MUTYH: variants seen among roughly 807,000 people sequenced by gnomAD.
The protein encoded by MUTYH is mutY DNA glycosylase.
Under a neutral mutation model 72.9 loss-of-function variants are expected in MUTYH, and 64 were observed. The observed-to-expected ratio is 0.88, with a 90% confidence interval of 0.72 to 1.08. The LOEUF is 1.08. MUTYH is among the 50% of genes least tolerant of loss of function. The pLI, the probability that MUTYH is intolerant of heterozygous loss-of-function variation, is 0.00. For missense variants in MUTYH, 633 were observed against 671.0 expected, an observed-to-expected ratio of 0.94 and a Z score of 0.63; for synonymous variants, 234 against 263.1, an observed-to-expected ratio of 0.89 and a Z score of 1.07.
At position 45,337,161 on chromosome 1, in the gene MUTYH, T is replaced by G. The variant is rs191386097; in HGVS notation, c.-6-2650A>C. 2.2e-3 allele frequency among the ~76,000 whole-genome samples: 329 copies of G among 151,800 alleles called. 1 individual carries two copies. The highest frequency in any genetic ancestry group is 6.8e-3 in the African/African-American group (282 of 41,388). On this transcript the variant is annotated intron_variant, in intron 1 of 15. Coordinates refer to ENST00000456914, the MANE Select transcript of MUTYH (RefSeq NM_001048174.2). ...GGTTTCCCATTCTTTTTTTTTTTTT[T>G]GGGATGGGGTCTCACTCTGTCACCC...
At chr1:45,335,535 A>C (rs931522177) in intron 1 of MUTYH, among the ~76,000 whole-genome samples, 1 of 151,792 alleles carries the variant, frequency 6.6e-6, no homozygotes, top group African/African-American at 2.4e-5. Context: ...CTGCTCCTCC[A>C]ATCCCGTCTA....
At chr1:45,331,071 C>A in intron 14 of MUTYH, 111 bp downstream of exon 14, 5 of 1,441,890 alleles carry the variant, frequency 3.5e-6, no homozygotes, top group Non-Finnish European at 4.8e-6. Flanking sequence ...GGCAACAGAG[C>A]GATTCTCCGT....
intron 1 of MUTYH, 67 bp from the exon 2 acceptor site, chr1:45,334,578 G>T: frequency 6.2e-7 from 1 of 1,605,720 alleles, no homozygotes; most frequent in South Asian, 1.1e-5. Flanking sequence ...CCTTCCAAGG[G>T]TGATAGCTAT....
intron 1 of MUTYH, among the ~76,000 whole-genome samples, chr1:45,335,949 C>T (rs972297619): frequency 2.6e-5 from 4 of 152,212 alleles, no homozygotes; most frequent in African/African-American, 9.6e-5. Flanking sequence ...TTCTCTGGAA[C>T]TCTTTATCTG....
chr1:45,331,520 G>A lies in MUTYH; in HGVS notation c.1139C>T (p.Thr380Ile). The A allele has an allele frequency of 6.2e-7, 1 of 1,614,118 alleles. No homozygotes were observed. The highest frequency in any genetic ancestry group is 8.5e-7 in the Non-Finnish European group (1 of 1,180,040). The stretch of plus-strand genomic sequence containing the variant: ...CTGAAGCTGCTCTGAGGGCTCCCAG[G>A]TCACGGACGGGAACTCCCACAGTCC... ...LAGLWEFPSV[T>I]WEPSEQLQRK... The change falls in exon 13 of 16, where the codon ACC becomes ATC. Residue 380 changes from threonine to isoleucine, a missense_variant. Thr to Ile is a moderately conservative substitution (Grantham distance 89, BLOSUM62 -1). Transcript: ENST00000456914.
In MUTYH at chr1:45,330,500, G is replaced by A. The variant is rs1351371541; in HGVS notation, c.1434+16C>T. The A allele has an allele frequency of 2.5e-6, 4 of 1,606,942 alleles. No individual in the cohort carries two copies. The highest frequency in any genetic ancestry group is 3.4e-6 in the Non-Finnish European group (4 of 1,176,304). On this transcript the variant is annotated intron_variant, in intron 15 of 15. Coordinates refer to ENST00000456914, the MANE Select transcript of MUTYH (RefSeq NM_001048174.2). Reference sequence around the variant, plus strand: ...GGCCTGGGGAGACACGGTTGGGAGAGGCCTAGGAGACTTACCATACAGGTC... The same window carrying A: ...GGCCTGGGGAGACACGGTTGGGAGAAGCCTAGGAGACTTACCATACAGGTC...
intron 1 of MUTYH, chr1:45,338,650 T>G (rs77576284): frequency 1.0e-5 from 2 of 197,576 alleles, no homozygotes; most frequent in African/African-American, 4.6e-5. Flanking sequence ...CTGTACACAA[T>G]AGATACCTGT....
In MUTYH at chr1:45,339,927, A is replaced by G. The variant is rs780788634; in HGVS notation, c.-35T>C. On this transcript the variant is annotated 5_prime_UTR_variant, in exon 1 of 16. Coordinates refer to ENST00000456914, the MANE Select transcript of MUTYH (RefSeq NM_001048174.2). ...CGGCCCACGCTGATGAAGACAGCAGAACACGGAGGCCCCGCGTTCCCGCCG... is the reference window on the plus strand; with the variant it reads ...CGGCCCACGCTGATGAAGACAGCAGGACACGGAGGCCCCGCGTTCCCGCCG... The G allele has an allele frequency of 6.9e-7, 1 of 1,455,544 alleles. No individual in the cohort carries two copies. 90.2% of individuals were successfully genotyped at this position (1,455,544 alleles called of 1,614,324 possible).
Position 45,332,658 on chromosome 1 carries a change from T to C in MUTYH, c.522A>G (p.Pro174=). Residue 174 remains proline (P), a synonymous_variant, in exon 8 of 16, where the codon CCA becomes CCG. Transcript: ENST00000456914. ...GCTGCTGCAGGGTCTCTGCTGTACGTGGCATGTGGCCCCCTAGCTCCTCTA... is the reference window on the plus strand; with the variant it reads ...GCTGCTGCAGGGTCTCTGCTGTACGCGGCATGTGGCCCCCTAGCTCCTCTA... ...KVVEELGGHM[P]RTAETLQQLL... The C allele has an allele frequency of 1.2e-6, 2 of 1,614,090 alleles. No homozygotes were observed. Among genetic ancestry groups the C allele is most frequent in the East Asian group, 4.5e-5 (2 of 44,866 alleles).
At chr1:45,339,096 G>A (rs981000006) in intron 1 of MUTYH, among the ~76,000 whole-genome samples, 2 of 151,874 alleles carry the variant, frequency 1.3e-5, no homozygotes, top group Non-Finnish European at 2.9e-5. Flanking sequence ...AATGGGCTCA[G>A]TTGAGAGAAG....
At position 45,332,252 on chromosome 1, in the gene MUTYH, T is replaced by C. The variant is rs876659676; in HGVS notation, c.763A>G (p.Met255Val). The change falls in exon 10 of 16, where the codon ATG (methionine) becomes GTG (valine). Residue 255 changes from methionine to valine, a missense_variant. Transcript: ENST00000456914. ...GTACACACTGTGGCCCCTAGCTCCA[T>C]GGCTGCTTGGTTGAAATCTCCTGGC... ...ARPGDFNQAA[M>V]ELGATVCTPQ... 3.1e-6 allele frequency: 5 copies of C among 1,613,902 alleles called. No individual in the cohort carries two copies. Among genetic ancestry groups the C allele is most frequent in the African/African-American group, 2.7e-5 (2 of 74,870 alleles).
At position 45,331,835 on chromosome 1, in the gene MUTYH, G is replaced by A. The variant is rs587780082; in HGVS notation, c.928C>T (p.Gln310Ter). The A allele has an allele frequency of 2.2e-5, 36 of 1,604,034 alleles. No individual in the cohort carries two copies. In the Admixed American group the frequency reaches 3.8e-4, roughly 17 times the overall value. Reference sequence around the variant, plus strand: ...GAGGGAGGCAGGCACAGGTGGCACTGTCCAGTGTTGGGAGCTGGGAACGGA... The same window carrying A: ...GAGGGAGGCAGGCACAGGTGGCACTATCCAGTGTTGGGAGCTGGGAACGGA... ...DVEECAPNTG[Q>*]CHLCLPPSEP... Residue 310 changes from glutamine to a stop codon, truncating the protein, a stop_gained, in exon 12 of 16, where the codon CAG (glutamine) becomes TAG (stop). Transcript: ENST00000456914. LOFTEE classifies it high-confidence loss of function.
Position 45,331,797 on chromosome 1 carries a change from G to T in MUTYH, c.966C>A (p.Asp322Glu), listed in dbSNP as rs772199096. The change falls in exon 12 of 16, where the codon GAC becomes GAA. Residue 322 changes from aspartate to glutamate, a missense_variant. Physicochemically the swap from Asp to Glu is conservative, Grantham distance 45. Coordinates refer to ENST00000456914, the MANE Select transcript of MUTYH (RefSeq NM_001048174.2). ...GGAAGTTGACCACTCCCAGGGTCTG[G>T]TCCCAGGGCTCCGAGGGAGGCAGGC... ...HLCLPPSEPW[D>E]QTLGVVNFPR... 1 of 1,612,228 alleles carries T rather than the reference G, an allele frequency of 6.2e-7. No homozygotes were observed. The highest frequency in any genetic ancestry group is 1.7e-5 in the Admixed American group (1 of 59,784).
In MUTYH at chr1:45,333,660, C is replaced by A. The variant is rs895013154; in HGVS notation, c.116-99G>T. 22 of 1,520,414 alleles carry A rather than the reference C, an allele frequency of 1.4e-5. No individual in the cohort carries two copies. The African/African-American group carries it at 2.9e-4, about 20-fold the overall frequency. The allele number at this position is 1,520,414 out of a possible 1,614,324, so 94.2% of individuals were successfully genotyped here. On this transcript the variant is annotated intron_variant, in intron 2 of 15. Transcript: ENST00000456914. ...TGTGGCAGTATGCTCCCACTTAGGG[C>A]TTCCCCCAACTAACCCCCTTAAGCT...
At chr1:45,332,368 C>T (rs1390827243) in intron 9 of MUTYH, 23 bp downstream of exon 9, 17 of 1,614,010 alleles carry the variant, frequency 1.1e-5, no homozygotes, top group Non-Finnish European at 1.4e-5. Context: ...CCCTGAAGCA[C>T]CCTTGTTACC....
intron 1 of MUTYH, among the ~76,000 whole-genome samples, chr1:45,336,348 A>C (rs1570494380): frequency 1.3e-5 from 2 of 152,174 alleles, no homozygotes; most frequent in Admixed American, 1.3e-4. Context: ...TTTCTCTTCT[A>C]CCCCTTGTCA....
Position 45,331,470 on chromosome 1 carries a change from G to A in MUTYH, c.1189C>T (p.Gln397Ter), listed in dbSNP as rs2149119069. 1 of 1,614,230 alleles carries A rather than the reference G, an allele frequency of 6.2e-7. No homozygotes were observed. The highest frequency in any genetic ancestry group is 8.5e-7 in the Non-Finnish European group (1 of 1,180,038). The change falls in exon 13 of 16, where the codon CAG becomes TAG. Residue 397 changes from glutamine (Q) to a stop codon, truncating the protein, a stop_gained. Coordinates refer to ENST00000456914, the MANE Select transcript of MUTYH (RefSeq NM_001048174.2). LOFTEE classifies it high-confidence loss of function. The stretch of plus-strand genomic sequence containing the variant: ...GCTGGGAGGGGCCCAGCCCAACGCT[G>A]TAGTTCCTGCAGCAGGGCCTTGCGC... The part of the protein sequence containing the change: ...LQRKALLQEL[Q>*]RWAGPLPATH...
In MUTYH at chr1:45,333,171, C is replaced by G. The variant is rs372267274; in HGVS notation, c.305-1G>C. 10 of 1,614,108 alleles carry G rather than the reference C, an allele frequency of 6.2e-6. No homozygotes were observed. The Admixed American group carries it at 8.3e-5, about 13-fold the overall frequency. ...TGCAGCATGACCTCTGAGACCCACA[C>G]TGGGGGAAAGGGGTTGGCATGAGGA... On this transcript the variant is annotated splice_acceptor_variant, in intron 4 of 15. Coordinates refer to ENST00000456914, the MANE Select transcript of MUTYH (RefSeq NM_001048174.2). LOFTEE classifies it high-confidence loss of function.
chr1:45,340,135 C>T, upstream of MUTYH: 2 of 1,575,680 alleles, frequency 1.3e-6, no homozygotes, highest in Non-Finnish European at 1.7e-6. Flanking sequence ...GGAAGTTCGA[C>T]CCATCGGCGA....
Sources: allele counts gnomAD v4.1 joint callset (sites outside exome capture counted in the v4.1 genomes callset), GRCh38; gene constraint gnomAD v4.1.1; transcripts MANE v1.5; gene names NCBI Gene and HGNC (gene_info 2026-07-23, HGNC 2026-07-21).